The following LGR6 variants were observed in gnomAD, a reference collection of about 807,000 sequenced individuals.
LGR6 encodes the protein leucine rich repeat containing G protein-coupled receptor 6.
In LGR6, 45 loss-of-function variants were observed where a neutral mutation model predicts 69.4. The ratio of observed to expected loss-of-function variants is 0.65; its 90% confidence interval spans 0.51 to 0.83. LGR6 has a LOEUF of 0.83. Ranked by LOEUF, LGR6 falls within the 40% of genes least tolerant of loss-of-function variation. LGR6 has a pLI of 0.00. For synonymous variants in LGR6, 538 were observed against 555.0 expected (o/e 0.97, Z 0.43); for missense variants, 1,108 against 1,246.7 (o/e 0.89, Z 1.68).
chr1:202,302,803 TC>T (rs1667704440), intron 9 of LGR6, among the ~76,000 whole-genome samples: 3 of 152,132 alleles, frequency 2.0e-5, no homozygotes, highest in Admixed American at 2.0e-4. Context: ...CGCCTCGGCC[TC>T]CCAAAGTGCT....
chr1:202,207,286 G>T (rs1383868197), intron 1 of LGR6, among the ~76,000 whole-genome samples: 1 of 152,130 alleles, frequency 6.6e-6, no homozygotes, highest in African/African-American at 2.4e-5. Context: ...TGAGAGGAAG[G>T]GGTCTCCCTC....
At chr1:202,296,251 GC>G in intron 6 of LGR6, among the ~76,000 whole-genome samples, 1 of 152,154 alleles carries the variant, frequency 6.6e-6, no homozygotes, top group African/African-American at 2.4e-5. Flanking sequence ...CCAACCTATT[GC>G]CAAACCCCAG....
At position 202,260,031 on chromosome 1, in the gene LGR6, T is replaced by A. The variant is rs756097815; in HGVS notation, c.429-16275T>A. On this transcript the variant is annotated intron_variant, in intron 4 of 17. Transcript: ENST00000367278. ...AGTAAAAGCCAAGAAGAATTCCCCA[T>A]TATCTCATTTTATTTTATTATTATT... Among the ~76,000 whole-genome samples, 49 of 152,304 alleles carry A rather than the reference T, an allele frequency of 3.2e-4. 1 individual carries two copies. Among genetic ancestry groups the A allele is most frequent in the Admixed American group, 5.2e-4 (8 of 15,296 alleles).
At chr1:202,214,251 A>G in intron 1 of LGR6, 2 of 1,532,300 alleles carry the variant, frequency 1.3e-6, no homozygotes, top group Non-Finnish European at 1.7e-6. Context: ...GGCTTGGGGG[A>G]AGGGTGCCGA....
At chr1:202,211,757 T>C (rs181709143) in intron 1 of LGR6, among the ~76,000 whole-genome samples, 1 of 152,286 alleles carries the variant, frequency 6.6e-6, no homozygotes, top group Non-Finnish European at 1.5e-5. Context: ...GCAAATACAC[T>C]TGTGTAACCA....
chr1:202,235,844 T>C (rs901527009), intron 3 of LGR6, 78 bp from the exon 4 acceptor site: 1 of 1,267,854 alleles, frequency 7.9e-7, no homozygotes, highest in Non-Finnish European at 1.1e-6. Flanking sequence ...GGACTGGGGG[T>C]TCAAGGGAGG....
rs759186051 is a variant in LGR6 at position 202,276,411 on chromosome 1, T to C, written c.534T>C (p.Pro178=). ...ACGACAATGCACTCACGGAGATCCC[T>C]GTCAGGGCCCTCAACAACCTCCCTG... ...WLDDNALTEI[P]VRALNNLPAL... Residue 178 remains proline (P), a synonymous_variant, in exon 5 of 18, where the codon CCT becomes CCC. Coordinates refer to ENST00000367278, the MANE Select transcript of LGR6 (RefSeq NM_001017403.2). The C allele has an allele frequency of 4.3e-6, 7 of 1,614,198 alleles. No individual in the cohort carries two copies. In the South Asian group the frequency reaches 7.7e-5, roughly 18 times the overall value.
At chr1:202,285,918 C>T (rs12135777) in intron 6 of LGR6, among the ~76,000 whole-genome samples, 10,828 of 152,294 alleles carry the variant, frequency 0.071, 498 homozygotes, top group Middle Eastern at 0.12. Flanking sequence ...GAATCTATTC[C>T]ATGCCTCTCA....
At chr1:202,237,294 C>T (rs1292398473) in intron 4 of LGR6, among the ~76,000 whole-genome samples, 3 of 152,232 alleles carry the variant, frequency 2.0e-5, no homozygotes, top group Non-Finnish European at 4.4e-5. Context: ...TAGAGGCCAA[C>T]GTCGGAAGAC....
At chr1:202,284,124 TC>T (rs762060372) in intron 6 of LGR6, among the ~76,000 whole-genome samples, 109 of 151,978 alleles carry the variant, frequency 7.2e-4, no homozygotes, top group Non-Finnish European at 1.2e-3. Flanking sequence ...TCGTGCCAAC[TC>T]CACCCGCCCC....
At chr1:202,249,562 G>T (rs1014101888) in intron 4 of LGR6, among the ~76,000 whole-genome samples, 4 of 152,194 alleles carry the variant, frequency 2.6e-5, no homozygotes, top group Non-Finnish European at 5.9e-5. Flanking sequence ...GACTCACGGG[G>T]CTTCAAACTG....
In LGR6 at chr1:202,268,336, C is replaced by T. The variant is rs530818372; in HGVS notation, c.429-7970C>T. Among the ~76,000 whole-genome samples the T allele has an allele frequency of 1.3e-5, 2 of 152,324 alleles. No homozygotes were observed. Among genetic ancestry groups the T allele is most frequent in the East Asian group, 1.9e-4 (1 of 5,170 alleles). On this transcript the variant is annotated intron_variant, in intron 4 of 17. Transcript: ENST00000367278. The surrounding 1 kb of genome is among the most constrained non-coding windows in gnomAD (Gnocchi z 4.4). Reference sequence around the variant, plus strand: ...CTGCTCGGCAGGTGCCAGCCTGCTCCCTGCTGGAATCCTTGCCTTCCCAGG... The same window carrying T: ...CTGCTCGGCAGGTGCCAGCCTGCTCTCTGCTGGAATCCTTGCCTTCCCAGG...
intron 4 of LGR6, among the ~76,000 whole-genome samples, chr1:202,237,469 T>C (rs1323390477): frequency 1.3e-5 from 2 of 152,240 alleles, no homozygotes; most frequent in African/African-American, 4.8e-5. Flanking sequence ...GGAAAAAAAT[T>C]AGACTTTCAC....
chr1:202,244,703 C>T (rs377648677), intron 4 of LGR6, among the ~76,000 whole-genome samples: 9 of 152,144 alleles, frequency 5.9e-5, no homozygotes, highest in African/African-American at 9.7e-5. Context: ...TGCAAAGGCC[C>T]CTTTTCTAAA....
rs1247104881 is a variant in LGR6 at position 202,239,146 on chromosome 1, C to T, written c.428+3153C>T. ...GGTGTCTTCCAACCAGGGTAGGTGT[C>T]TTCCGGCCGGCTCTTTTCCTGCTTC... On this transcript the variant is annotated intron_variant, in intron 4 of 17. Transcript: ENST00000367278. Among the ~76,000 whole-genome samples the T allele has an allele frequency of 3.3e-5, 5 of 152,174 alleles. No homozygotes were observed. The East Asian group carries it at 9.6e-4, about 29-fold the overall frequency.
intron 2 of LGR6, among the ~76,000 whole-genome samples, chr1:202,226,771 A>T (rs1237013338): frequency 1.3e-5 from 2 of 152,180 alleles, no homozygotes; most frequent in African/African-American, 2.4e-5. Context: ...CATTCTGTGT[A>T]AGGGAGTGGT....
At chr1:202,204,626 A>AAC (rs1267009729) in intron 1 of LGR6, among the ~76,000 whole-genome samples, 1 of 9,960 alleles carries the variant, frequency 1.0e-4, no homozygotes, top group Non-Finnish European at 2.0e-4. Flanking sequence ...ACCTCCTTCA[A>AAC]ACACACACAC....
intron 9 of LGR6, among the ~76,000 whole-genome samples, chr1:202,302,946 A>G (rs960570974): frequency 6.6e-6 from 1 of 152,166 alleles, no homozygotes; most frequent in Admixed American, 6.5e-5. Flanking sequence ...GGGCTTCTCC[A>G]GAAGCACCCA....
At chr1:202,231,349 T>G (rs370922534) in intron 3 of LGR6, among the ~76,000 whole-genome samples, 132 of 152,244 alleles carry the variant, frequency 8.7e-4, no homozygotes, top group South Asian at 5.8e-3. Context: ...CATTTGGGAG[T>G]GCTGGGCTCT....
Sources: gnomAD v4.1 joint callset for allele counts (sites outside exome capture counted in the v4.1 genomes callset) on GRCh38, gnomAD v4.1.1 for gene constraint, Gnocchi (gnomAD v3.1) non-coding constraint, MANE v1.5 for transcripts, NCBI Gene and HGNC (gene_info 2026-07-23, HGNC 2026-07-21) for gene names.